The following SNX25 variants were observed in gnomAD, a reference collection of about 807,000 sequenced individuals.
SNX25 encodes sorting nexin 25, also known as sorting nexin-25.
A neutral mutation model predicts 113.7 loss-of-function variants in SNX25; 62 were observed. That is an observed-to-expected ratio of 0.55 (90% CI 0.44 to 0.67). The LOEUF is 0.67. SNX25 is among the 30% of genes least tolerant of loss of function. The pLI, the probability that SNX25 is intolerant of heterozygous loss-of-function variation, is 0.00. For missense variants in SNX25, 1,014 were observed against 1,161.0 expected (o/e 0.87, Z 1.84); for synonymous variants, 421 against 436.2 (o/e 0.97, Z 0.43).
chr4:185,363,574 G>A lies in SNX25; in HGVS notation c.*109G>A, dbSNP rs978437274. ...GAGAACCGTATTGATTTTTATTTTA[G>A]TTACCTCCCTCTAGTTTTATGTGAA... On this transcript the variant is annotated 3_prime_UTR_variant, in exon 19 of 19. Coordinates refer to ENST00000652585, the MANE Select transcript of SNX25 (RefSeq NM_001378034.2). The surrounding 1 kb of genome is among the most constrained non-coding windows in gnomAD (Gnocchi z 4.2). 5.1e-6 allele frequency: 5 copies of A among 974,348 alleles called. No homozygotes were observed. The highest frequency in any genetic ancestry group is 7.9e-6 in the Non-Finnish European group (5 of 636,604). 60.4% of individuals were successfully genotyped at this position (974,348 alleles called of 1,614,324 possible).
chr4:185,371,005 G>A (rs1345139244), downstream of SNX25: 2 of 548,854 alleles, frequency 3.6e-6, no homozygotes. Flanking sequence ...TTCCCAGAGT[G>A]GTGACTTCAC....
At chr4:185,212,747 A>G (rs1159666266) in intron 1 of SNX25, among the ~76,000 whole-genome samples, 4 of 152,192 alleles carry the variant, frequency 2.6e-5, no homozygotes, top group South Asian at 2.1e-4. Context: ...TGGGAGCTGG[A>G]CCACACAGGT....
At chr4:185,296,047 G>C (rs1752793953) in intron 6 of SNX25, 1 of 152,282 alleles carries the variant, frequency 6.6e-6, no homozygotes, top group African/African-American at 2.4e-5. Context: ...GCTGCTCTCC[G>C]CTTCCAGAAT....
intron 5 of SNX25, among the ~76,000 whole-genome samples, chr4:185,281,592 G>A (rs1203123776): frequency 6.6e-6 from 1 of 152,216 alleles, no homozygotes; most frequent in Non-Finnish European, 1.5e-5. Context: ...TTTTAGTAGT[G>A]CCATGGATGG....
At chr4:185,356,395 C>G (rs2095339295) in intron 15 of SNX25, among the ~76,000 whole-genome samples, 2 of 152,120 alleles carry the variant, frequency 1.3e-5, no homozygotes, top group Admixed American at 1.3e-4. Context: ...CTTTCCTGCC[C>G]TAGAAAGACA....
chr4:185,271,329 T>A (rs1748896981), intron 5 of SNX25, among the ~76,000 whole-genome samples: 1 of 152,166 alleles, frequency 6.6e-6, no homozygotes, highest in African/African-American at 2.4e-5. Flanking sequence ...TTAGGTTGCA[T>A]CCTTTTATAA....
intron 7 of SNX25, among the ~76,000 whole-genome samples, chr4:185,314,782 C>T (rs1318407915): frequency 4.7e-5 from 7 of 148,494 alleles, no homozygotes; most frequent in African/African-American, 7.5e-5. Flanking sequence ...CACTTGAACC[C>T]GGGAGGCGGA....
chr4:185,240,531 C>T (rs1395817379), intron 1 of SNX25, among the ~76,000 whole-genome samples: 1 of 144,008 alleles, frequency 6.9e-6, no homozygotes, highest in Admixed American at 7.1e-5. Flanking sequence ...GGCTGACCCC[C>T]CCACCTCCCT....
intron 1 of SNX25, among the ~76,000 whole-genome samples, chr4:185,216,813 G>A (rs1258050557): frequency 1.3e-5 from 2 of 151,958 alleles, no homozygotes; most frequent in African/African-American, 2.4e-5. Context: ...GAGCCACCTC[G>A]CCCGGCCGAC....
chr4:185,257,465 A>G (rs149617482), intron 2 of SNX25, among the ~76,000 whole-genome samples: 1,838 of 152,330 alleles, frequency 0.012, 10 homozygotes, highest in Middle Eastern at 0.034. Flanking sequence ...CCAAATTGAG[A>G]TTACTGAAAG....
intron 16 of SNX25, among the ~76,000 whole-genome samples, chr4:185,360,920 A>G (rs931507205): frequency 1.7e-5 from 2 of 118,834 alleles, no homozygotes; most frequent in Non-Finnish European, 3.3e-5. Flanking sequence ...CTCCGTCTCA[A>G]AAAAAAAATA....
chr4:185,236,678 G>A (rs898238658), intron 1 of SNX25, among the ~76,000 whole-genome samples: 1 of 152,148 alleles, frequency 6.6e-6, no homozygotes, highest in East Asian at 1.9e-4. Context: ...CAGATGCAAA[G>A]TTGTATGTAT....
At chr4:185,339,987 A>G (rs2095251740) in intron 11 of SNX25, among the ~76,000 whole-genome samples, 1 of 152,176 alleles carries the variant, frequency 6.6e-6, no homozygotes, top group Non-Finnish European at 1.5e-5. Flanking sequence ...AAGAGTTTGT[A>G]GAATATACTG....
At chr4:185,243,160 C>T (rs531787934) in intron 1 of SNX25, among the ~76,000 whole-genome samples, 1 of 152,114 alleles carries the variant, frequency 6.6e-6, no homozygotes, top group African/African-American at 2.4e-5. Context: ...TCTCATAAAC[C>T]CATCTCCCTT....
chr4:185,317,895 A>G (rs930475130), intron 7 of SNX25, among the ~76,000 whole-genome samples: 4 of 152,216 alleles, frequency 2.6e-5, no homozygotes, highest in Non-Finnish European at 2.9e-5. Flanking sequence ...TGGCACATGT[A>G]TACCAGAAAC....
intron 1 of SNX25, among the ~76,000 whole-genome samples, chr4:185,222,452 G>A (rs1425679369): frequency 2.0e-5 from 3 of 149,108 alleles, no homozygotes; most frequent in South Asian, 2.1e-4. Flanking sequence ...CCTCCCTCGC[G>A]GTAGGTATTC....
chr4:185,274,588 T>C (rs183895373), intron 5 of SNX25, among the ~76,000 whole-genome samples: 5 of 152,316 alleles, frequency 3.3e-5, no homozygotes, highest in Admixed American at 6.5e-5. Flanking sequence ...TGAGGCAGAA[T>C]AGCTCTACTT....
chr4:185,218,902 A>G (rs571535694), intron 1 of SNX25, among the ~76,000 whole-genome samples: 8 of 151,736 alleles, frequency 5.3e-5, no homozygotes, highest in African/African-American at 1.9e-4. Flanking sequence ...GTTTTTTTTA[A>G]TGAGGTTCTG....
At chr4:185,284,924 A>G (rs28676485) in intron 5 of SNX25, among the ~76,000 whole-genome samples, 2,187 of 152,310 alleles carry the variant, frequency 0.014, 54 homozygotes, top group African/African-American at 0.05. Flanking sequence ...TTAGTAGTAT[A>G]TATACCTAAG....
Sources: gnomAD v4.1 joint callset for allele counts (sites outside exome capture counted in the v4.1 genomes callset) on GRCh38, gnomAD v4.1.1 for gene constraint, Gnocchi (gnomAD v3.1) non-coding constraint, MANE v1.5 for transcripts, NCBI Gene and HGNC (gene_info 2026-07-23, HGNC 2026-07-21) for gene names.